SCAMP2: variants seen among roughly 807,000 people sequenced by gnomAD.
SCAMP2 encodes the protein secretory carrier membrane protein 2.
Under a neutral mutation model 44.1 loss-of-function variants are expected in SCAMP2, and 25 were observed. The observed-to-expected ratio is 0.57, with a 90% confidence interval of 0.41 to 0.79. The LOEUF (loss-of-function observed/expected upper bound fraction) is 0.79. Among genes scored for constraint, SCAMP2 ranks in the 30% least tolerant of loss-of-function variants. The pLI, the probability that SCAMP2 is intolerant of heterozygous loss-of-function variation, is 0.00. For synonymous variants in SCAMP2, 156 were observed against 166.0 expected (o/e 0.94, Z 0.46); for missense variants, 355 against 411.0 (o/e 0.86, Z 1.18).
chr15:74,854,238 C>A (rs1325267336), intron 2 of SCAMP2, 119 bp from the exon 3 acceptor site: 3 of 897,422 alleles, frequency 3.3e-6, no homozygotes, highest in Non-Finnish European at 5.4e-6. Flanking sequence ...CCCTCGGGGC[C>A]TGCACTGGGC....
At position 74,845,249 on chromosome 15, in the gene SCAMP2, G is replaced by A. The variant is rs765497955; in HGVS notation, c.856-32C>T. ...AAGAGGGGTGGGGTGAGAGAAGCCT[G>A]TCCTTTGGGCCCACCAGGAAGCCAG... On this transcript the variant is annotated intron_variant, in intron 8 of 8. Transcript: ENST00000268099. 1.9e-6 allele frequency: 3 copies of A among 1,606,644 alleles called. No homozygotes were observed. In the East Asian group the frequency reaches 6.7e-5, roughly 36 times the overall value.
chr15:74,856,261 GTTCT>G lies in SCAMP2; in HGVS notation c.58-1616_58-1613del, dbSNP rs1300601193. Among the ~76,000 whole-genome samples, 6 of 108,680 alleles carry G rather than the reference GTTCT, an allele frequency of 5.5e-5. No homozygotes were observed. The East Asian group carries it at 8.4e-4, about 15-fold the overall frequency. The allele number at this position is 108,680 out of a possible 152,430, so 71.3% of individuals were successfully genotyped here. ...TCCACTGGAAGCCTCTGCAGAGCCA[GTTCT>G]TTTTTTTTTTTTTTTTTTTTTTTTT... On this transcript the variant is annotated intron_variant, in intron 1 of 8. Coordinates refer to ENST00000268099, the MANE Select transcript of SCAMP2 (RefSeq NM_005697.5).
rs118023774 is a variant in SCAMP2 at position 74,853,766 on chromosome 15, G to A, written c.225+255C>T. 94 of 545,424 alleles carry A rather than the reference G, an allele frequency of 1.7e-4. No individual in the cohort carries two copies. The East Asian group carries it at 2.3e-3, about 13-fold the overall frequency. 33.8% of individuals were successfully genotyped at this position (545,424 alleles called of 1,614,324 possible). ...ACAGGGACAAATGCCCTCTCTGGAG[G>A]CACCGAGGAGCCCGGCCTGGTGAGT... On this transcript the variant is annotated intron_variant, in intron 3 of 8. Transcript: ENST00000268099.
At position 74,845,488 on chromosome 15, in the gene SCAMP2, G is replaced by A. The variant is rs768937069; in HGVS notation, c.840C>T (p.Val280=). ...CACCACTCACCCGCTGCAGGAGGAAGACTGAGAGCACGGCACAGAGGGTGA... is the reference window on the plus strand; with the variant it reads ...CACCACTCACCCGCTGCAGGAGGAAAACTGAGAGCACGGCACAGAGGGTGA... The part of the protein sequence containing the change: ...GFFTLCAVLS[V]FLLQRVHSLY... The change falls in exon 8 of 9, where the codon GTC becomes GTT. Residue 280 remains valine (V), a synonymous_variant. Transcript: ENST00000268099. 6.2e-7 allele frequency: 1 copy of A among 1,614,178 alleles called. No homozygotes were observed. The highest frequency in any genetic ancestry group is 1.7e-5 in the Admixed American group (1 of 60,028).
rs550382690 is a variant in SCAMP2, at chr15:74,852,462, T to C, written c.226-276A>G. The stretch of plus-strand genomic sequence containing the variant: ...GCTTGAGTTGGGAAAACTACCCCCA[T>C]TGGCTTCTCCACCTCTTCCCCATAC... On this transcript the variant is annotated intron_variant, in intron 3 of 8. Coordinates refer to ENST00000268099, the MANE Select transcript of SCAMP2 (RefSeq NM_005697.5). 2.2e-5 allele frequency: 7 copies of C among 323,266 alleles called. No individual in the cohort carries two copies. The East Asian group carries it at 2.4e-4, about 11-fold the overall frequency. The allele number at this position is 323,266 out of a possible 1,614,324, so 20.0% of individuals were successfully genotyped here. A position where few individuals can be genotyped will look rare whatever the true frequency, so the allele number is the denominator to read the frequency against.
intron 1 of SCAMP2, among the ~76,000 whole-genome samples, chr15:74,861,897 T>C: frequency 8.9e-6 from 1 of 112,016 alleles, no homozygotes; most frequent in East Asian, 2.5e-4. Flanking sequence ...CAAGACTCTG[T>C]CTCAAAAAAA....
At chr15:74,869,729 A>C (rs1596427262) in intron 1 of SCAMP2, among the ~76,000 whole-genome samples, 3 of 152,332 alleles carry the variant, frequency 2.0e-5, no homozygotes, top group South Asian at 4.1e-4. Flanking sequence ...ATGAGCTCTG[A>C]ACACTAGGTA....
At chr15:74,850,417 C>G (rs1028365813) in intron 6 of SCAMP2, 97 bp downstream of exon 6, 50 of 1,089,130 alleles carry the variant, frequency 4.6e-5, no homozygotes, top group Non-Finnish European at 6.6e-5. Flanking sequence ...TTCTATTCTG[C>G]TCTAAGACTC....
At chr15:74,850,456 AGCCT>A (rs2064427801) in intron 6 of SCAMP2, 54 bp downstream of exon 6, 1 of 1,526,040 alleles carries the variant, frequency 6.6e-7, no homozygotes, top group Non-Finnish European at 9.1e-7. Flanking sequence ...TATAGCCCTT[AGCCT>A]GCTACCTGGG....
chr15:74,846,446 CAAAAAAAA>C (rs35643920), intron 7 of SCAMP2, among the ~76,000 whole-genome samples: 52 of 109,472 alleles, frequency 4.8e-4, no homozygotes, highest in Middle Eastern at 4.7e-3. Flanking sequence ...ACCCTGTCTC[CAAAAAAAA>C]AAAAAAAAGA....
intron 7 of SCAMP2, among the ~76,000 whole-genome samples, chr15:74,847,870 C>T (rs1442120549): frequency 6.6e-6 from 1 of 152,128 alleles, no homozygotes; most frequent in African/African-American, 2.4e-5. Context: ...GGAACCGTCT[C>T]CTTAAGTTAC....
intron 7 of SCAMP2, among the ~76,000 whole-genome samples, chr15:74,846,681 C>T (rs1419511874): frequency 2.0e-5 from 3 of 152,170 alleles, no homozygotes; most frequent in Non-Finnish European, 2.9e-5. Context: ...AGGAGAATGG[C>T]GTGAACCTGG....
At chr15:74,855,777 GC>G (rs1015830390) in intron 1 of SCAMP2, among the ~76,000 whole-genome samples, 2 of 151,100 alleles carry the variant, frequency 1.3e-5, no homozygotes, top group Non-Finnish European at 2.9e-5. Context: ...GCTGCTGGCT[GC>G]CAGTACTGAT....
rs2064383968 is a variant in SCAMP2, at chr15:74,844,915, G to T, written c.*168C>A. 2.9e-6 allele frequency: 2 copies of T among 690,838 alleles called. No homozygotes were observed. Among genetic ancestry groups the T allele is most frequent in the Non-Finnish European group, 2.4e-6 (1 of 418,908 alleles). 42.8% of individuals were successfully genotyped at this position (690,838 alleles called of 1,614,324 possible). On this transcript the variant is annotated 3_prime_UTR_variant, in exon 9 of 9. Coordinates refer to ENST00000268099, the MANE Select transcript of SCAMP2 (RefSeq NM_005697.5). ...TACATAGAGGGGGAAAAAATTCCCT[G>T]TCCCTCCCGTTCCAGGGAGAGCTGG...
At chr15:74,849,825 G>GA (rs1195400488) in intron 6 of SCAMP2, among the ~76,000 whole-genome samples, 1 of 122,620 alleles carries the variant, frequency 8.2e-6, no homozygotes, top group Non-Finnish European at 1.9e-5. Flanking sequence ...CTGACTGGAA[G>GA]AAAAAAATAT....
At chr15:74,866,091 GA>G (rs1162954500) in intron 1 of SCAMP2, among the ~76,000 whole-genome samples, 1 of 151,688 alleles carries the variant, frequency 6.6e-6, no homozygotes, top group Non-Finnish European at 1.5e-5. Flanking sequence ...TTTAAGTTCT[GA>G]ACTTCCAATA....
chr15:74,857,771 A>C (rs1404697955), intron 1 of SCAMP2, among the ~76,000 whole-genome samples: 2 of 152,180 alleles, frequency 1.3e-5, no homozygotes, highest in Non-Finnish European at 2.9e-5. Context: ...GGCTCCTCAT[A>C]AACAAATCTG....
chr15:74,851,002 T>A (rs982601438), intron 5 of SCAMP2, among the ~76,000 whole-genome samples: 1 of 152,194 alleles, frequency 6.6e-6, no homozygotes, highest in East Asian at 1.9e-4. Flanking sequence ...TGGCCCCTGA[T>A]GGAGCTGCAG....
Position 74,848,651 on chromosome 15 carries a change from T to C in SCAMP2, c.683A>G (p.Gln228Arg). 2 of 1,613,662 alleles carry C rather than the reference T, an allele frequency of 1.2e-6. No individual in the cohort carries two copies. The highest frequency in any genetic ancestry group is 3.3e-4 in the Middle Eastern group (2 of 6,062). The change falls in exon 7 of 9, where the codon CAA becomes CGA. Residue 228 changes from glutamine (Q) to arginine (R), a missense_variant. Physicochemically the swap from Gln to Arg is conservative, Grantham distance 43. Transcript: ENST00000268099. ...CAACTGGATGATGTAGATCCCTATT[T>C]GACAAAAAAATACAAAGAAGAACAC... ...FFVFFFVFFCQIGIYIIQLVG... is the reference protein window; with the variant it reads ...FFVFFFVFFCRIGIYIIQLVG...
Sources: allele counts gnomAD v4.1 joint callset (sites outside exome capture counted in the v4.1 genomes callset), GRCh38; gene constraint gnomAD v4.1.1; transcripts MANE v1.5; gene names NCBI Gene and HGNC (gene_info 2026-07-23, HGNC 2026-07-21).